COL4A6: variants seen among roughly 807,000 people sequenced by gnomAD.
COL4A6 encodes the protein collagen alpha-6(IV) chain.
A neutral mutation model predicts 126.7 loss-of-function variants in COL4A6; 59 were observed. The observed-to-expected ratio is 0.47, with a 90% CI of 0.38 to 0.58. COL4A6 has a LOEUF of 0.58. COL4A6 is among the 20% of genes least tolerant of loss of function. The pLI is 0.00. For missense variants in COL4A6, 1,285 were observed against 1,337.3 expected (o/e 0.96, Z 0.61); for synonymous variants, 547 against 496.6 (o/e 1.10, Z -1.35).
At chrX:108,433,139 G>T (rs1359161147) in intron 2 of COL4A6, among the ~76,000 whole-genome samples, 1 of 112,028 alleles carries the variant, frequency 8.9e-6, no homozygotes, top group East Asian at 2.8e-4. Context: ...TAAAGTAAAT[G>T]AAGTGATTTT....
intron 2 of COL4A6, among the ~76,000 whole-genome samples, chrX:108,359,322 G>A (rs2040029518): frequency 8.9e-6 from 1 of 112,420 alleles, no homozygotes; most frequent in Admixed American, 9.4e-5. Context: ...TCAGTGACGG[G>A]AGCTAAGACT....
intron 20 of COL4A6, among the ~76,000 whole-genome samples, chrX:108,189,134 C>T (rs1821319033): frequency 8.9e-6 from 1 of 112,405 alleles, no homozygotes; most frequent in African/African-American, 3.2e-5. Flanking sequence ...TATGTTCTAA[C>T]TCCCTATATC....
chrX:108,288,107 T>C (rs952462916), intron 3 of COL4A6, among the ~76,000 whole-genome samples: 1 of 112,470 alleles, frequency 8.9e-6, no homozygotes, highest in African/African-American at 3.2e-5. Context: ...ATGACTGTAT[T>C]GTTTAATTAA....
intron 3 of COL4A6, among the ~76,000 whole-genome samples, chrX:108,273,932 T>C (rs1329314277): frequency 8.9e-6 from 1 of 112,295 alleles, no homozygotes; most frequent in African/African-American, 3.2e-5. Flanking sequence ...TATGTTTATA[T>C]ATAATTTTTT....
At chrX:108,399,240 A>G (rs2041034641) in intron 2 of COL4A6, among the ~76,000 whole-genome samples, 1 of 111,575 alleles carries the variant, frequency 9.0e-6, no homozygotes, top group East Asian at 2.8e-4. Context: ...ATGCTGTTTT[A>G]CGAACTCATT....
chrX:108,360,721 A>G (rs952715821), intron 2 of COL4A6, among the ~76,000 whole-genome samples: 9 of 109,405 alleles, frequency 8.2e-5, no homozygotes, highest in Non-Finnish European at 1.5e-4. Context: ...TATTTTTAGT[A>G]GAGACAGGTT....
At chrX:108,264,247 G>T (rs747310228) in intron 3 of COL4A6, among the ~76,000 whole-genome samples, 1 of 111,667 alleles carries the variant, frequency 9.0e-6, no homozygotes, top group Non-Finnish European at 1.9e-5. Flanking sequence ...AAAGCTTTAT[G>T]CAGAGTAATT....
Position 108,156,756 on chromosome X carries a change from A to G in COL4A6, c.*244T>C. On this transcript the variant is annotated 3_prime_UTR_variant, in exon 45 of 45. Transcript: ENST00000334504. ...GGTAGCCATGAATAGTCACACAATC[A>G]TCCAAATCAAACAGTAGCACCAGCT... 4.8e-6 allele frequency: 2 copies of G among 413,586 alleles called. No individual in the cohort carries two copies. The highest frequency in any genetic ancestry group is 8.4e-6 in the Non-Finnish European group (2 of 238,602). The allele number at this position is 413,586 out of a possible 1,213,427, so 34.1% of individuals were successfully genotyped here.
rs1358150127 is a variant in COL4A6 at position 108,162,092 on chromosome X, G to C, written c.4217-357C>G. Among the ~76,000 whole-genome samples, 13 of 112,509 alleles carry C rather than the reference G, an allele frequency of 1.2e-4. No homozygotes were observed. In the Admixed American group the frequency reaches 1.2e-3, roughly 11 times the overall value. ...AGGCTGGGCGCAGTGGCTCATGCCTGTAATCCCAGCACTTTGGGAGGCCAA... is the reference window on the plus strand; with the variant it reads ...AGGCTGGGCGCAGTGGCTCATGCCTCTAATCCCAGCACTTTGGGAGGCCAA... On this transcript the variant is annotated intron_variant, in intron 41 of 44. Coordinates refer to ENST00000334504, the MANE Select transcript of COL4A6 (RefSeq NM_033641.4).
intron 2 of COL4A6, among the ~76,000 whole-genome samples, chrX:108,338,596 A>T (rs906402372): frequency 1.3e-4 from 14 of 111,944 alleles, no homozygotes; most frequent in Non-Finnish European, 1.9e-5. Context: ...CACAATCGAC[A>T]CTTGAAGGAT....
intron 3 of COL4A6, among the ~76,000 whole-genome samples, chrX:108,255,714 T>C (rs754805732): frequency 5.4e-5 from 6 of 111,021 alleles, no homozygotes; most frequent in Non-Finnish European, 1.1e-4. Context: ...CCTAATGATC[T>C]AGCAGCCAGC....
intron 2 of COL4A6, among the ~76,000 whole-genome samples, chrX:108,420,850 C>T (rs938612124): frequency 9.0e-6 from 1 of 111,589 alleles, no homozygotes; most frequent in African/African-American, 3.3e-5. Context: ...ATAGTGTTGA[C>T]GCTTTCATTT....
upstream of COL4A6, among the ~76,000 whole-genome samples, chrX:108,438,926 T>C (rs1437596396): frequency 8.9e-6 from 1 of 112,790 alleles, no homozygotes; most frequent in Non-Finnish European, 1.9e-5. Flanking sequence ...CATCAAATTC[T>C]TGAAGATTCT....
chrX:108,423,665 G>A (rs910444054), intron 2 of COL4A6, among the ~76,000 whole-genome samples: 2 of 111,527 alleles, frequency 1.8e-5, no homozygotes, highest in African/African-American at 6.5e-5. Context: ...CACCTACAAA[G>A]CACTGATTGC....
At chrX:108,437,808 C>T in intron 2 of COL4A6, 134 bp downstream of exon 2, 1 of 657,184 alleles carries the variant, frequency 1.5e-6, no homozygotes, top group Non-Finnish European at 2.4e-6. Flanking sequence ...CATTAACTCC[C>T]ATTAGAAAGG....
At chrX:108,291,373 A>G (rs935278811) in intron 3 of COL4A6, among the ~76,000 whole-genome samples, 7 of 112,338 alleles carry the variant, frequency 6.2e-5, no homozygotes, top group Admixed American at 1.9e-4. Context: ...CATATTGTAT[A>G]AATACTTGTT....
At chrX:108,281,857 C>G (rs1186444968) in intron 3 of COL4A6, among the ~76,000 whole-genome samples, 1 of 111,036 alleles carries the variant, frequency 9.0e-6, no homozygotes, top group Non-Finnish European at 1.9e-5. Context: ...CTACAACTAT[C>G]TGATCTTTAA....
chrX:108,173,005 T>C lies in COL4A6; in HGVS notation c.3139-473A>G, dbSNP rs1602723935. On this transcript the variant is annotated intron_variant, in intron 31 of 44. Coordinates refer to ENST00000334504, the MANE Select transcript of COL4A6 (RefSeq NM_033641.4). ...CTTTCTGCCACCAGGTAGCAGGTGG[T>C]ATGTGTGCAGGTGCTGGAGTCTGAA... 9.8e-5 allele frequency among the ~76,000 whole-genome samples: 11 copies of C among 112,382 alleles called. No homozygotes were observed. In the South Asian group the frequency reaches 3.7e-3, roughly 38 times the overall value.
intron 20 of COL4A6, among the ~76,000 whole-genome samples, chrX:108,190,128 A>T (rs749841320): frequency 8.9e-6 from 1 of 112,383 alleles, no homozygotes; most frequent in African/African-American, 3.2e-5. Flanking sequence ...GAGGGGTAGC[A>T]GCATGCACTG....
Sources: allele counts gnomAD v4.1 joint callset (sites outside exome capture counted in the v4.1 genomes callset), GRCh38; gene constraint gnomAD v4.1.1; transcripts MANE v1.5; gene names NCBI Gene and HGNC (gene_info 2026-07-23, HGNC 2026-07-21).